The following AIRIM variants were observed in gnomAD, a reference collection of about 807,000 sequenced individuals.
The protein encoded by AIRIM is AFG2-interacting ribosome maturation factor.
At chr1:37,687,532 T>C in the AIRIM span, among the ~76,000 whole-genome samples, 1 of 151,392 alleles carries the variant, frequency 6.6e-6, no homozygotes, top group Non-Finnish European at 1.5e-5. Flanking sequence ...AGAGGACAGC[T>C]TGAAGCCAGG....
At chr1:37,690,404 C>T in the AIRIM span, 2 of 1,276,316 alleles carry the variant, frequency 1.6e-6, no homozygotes, top group African/African-American at 1.5e-5. Context: ...GACATACAGT[C>T]CTGTCTCCCC....
chr1:37,682,868 T>C, the AIRIM span: 1 of 496,458 alleles, frequency 2.0e-6, no homozygotes, highest in South Asian at 2.3e-5. Context: ...GTTGTCTCTC[T>C]AGCTCCATCC....
the AIRIM span, among the ~76,000 whole-genome samples, chr1:37,688,605 TA>T: frequency 6.6e-6 from 1 of 152,164 alleles, no homozygotes; most frequent in Admixed American, 6.5e-5. Flanking sequence ...ACAAGGTGCC[TA>T]ATGAACGTAT....
chr1:37,684,559 C>A, the AIRIM span, among the ~76,000 whole-genome samples: 1 of 152,164 alleles, frequency 6.6e-6, no homozygotes, highest in Non-Finnish European at 1.5e-5. Flanking sequence ...GTGGAGGTTG[C>A]AGTGAGCCAA....
chr1:37,685,941 A>T, the AIRIM span, among the ~76,000 whole-genome samples: 1 of 152,100 alleles, frequency 6.6e-6, no homozygotes, highest in African/African-American at 2.4e-5. Flanking sequence ...CTTTCTCATG[A>T]AGCCTGCTCT....
chr1:37,682,423 AG>A, the AIRIM span: 1 of 152,620 alleles, frequency 6.6e-6, no homozygotes, highest in Admixed American at 6.5e-5. Flanking sequence ...GTGGCAAGTC[AG>A]ATGCCAGCTT....
chr1:37,685,249 G>T, the AIRIM span, among the ~76,000 whole-genome samples: 1 of 149,740 alleles, frequency 6.7e-6, no homozygotes, highest in African/African-American at 2.5e-5. Context: ...TGTCACCTAG[G>T]CTGGTGATCA....
At chr1:37,689,659 C>T in the AIRIM span, 9 of 1,613,916 alleles carry the variant, frequency 5.6e-6, no homozygotes, top group South Asian at 8.8e-5. Context: ...GCTGCTTACG[C>T]CTCAGCCGCT....
At chr1:37,687,059 AGT>A in the AIRIM span, among the ~76,000 whole-genome samples, 18,630 of 140,414 alleles carry the variant, frequency 0.13, 1,283 homozygotes, top group African/African-American at 0.17. Context: ...CCGTCTCAAA[AGT>A]GTGTGTGTGT....
At chr1:37,690,055 C>T in the AIRIM span, 2 of 1,409,464 alleles carry the variant, frequency 1.4e-6, no homozygotes, top group Non-Finnish European at 1.8e-6. Flanking sequence ...GTCTCACTGT[C>T]GCCCAGGCTG....
the AIRIM span, chr1:37,690,603 T>A: frequency 1.7e-6 from 1 of 575,702 alleles, no homozygotes; most frequent in Non-Finnish European, 2.5e-6. Context: ...TATATCGTAG[T>A]GCCGCAATGA....
chr1:37,691,223 G>A, the AIRIM span: 1 of 152,282 alleles, frequency 6.6e-6, no homozygotes, highest in Non-Finnish European at 1.5e-5. Context: ...GGAAGGTCCA[G>A]GCTTGCCAGG....
the AIRIM span, chr1:37,684,209 GAAGGA>G: frequency 6.6e-6 from 1 of 152,448 alleles, no homozygotes; most frequent in Non-Finnish European, 1.5e-5. Flanking sequence ...CAGGGAAACA[GAAGGA>G]AAGGACTTGA....
At chr1:37,683,122 C>T in the AIRIM span, 26 of 1,612,846 alleles carry the variant, frequency 1.6e-5, no homozygotes, top group Non-Finnish European at 2.2e-5. Context: ...GCATAGCTTC[C>T]TTACTCTTCC....
chr1:37,686,171 G>A, the AIRIM span: 1 of 1,153,844 alleles, frequency 8.7e-7, no homozygotes. Context: ...AGGAACCAAA[G>A]AGAACTGACT....
chr1:37,685,382 CT>C, the AIRIM span, among the ~76,000 whole-genome samples: 1,708 of 137,966 alleles, frequency 0.012, 28 homozygotes, highest in African/African-American at 0.036. Flanking sequence ...GCCCAAAATT[CT>C]TTTTTTTTTT....
the AIRIM span, among the ~76,000 whole-genome samples, chr1:37,688,342 C>T: frequency 3.9e-4 from 60 of 152,230 alleles, no homozygotes; most frequent in Admixed American, 3.0e-3. Flanking sequence ...GCCACCGTGC[C>T]GGGCCAGTCA....
At chr1:37,683,505 G>A in the AIRIM span, 34 of 1,549,182 alleles carry the variant, frequency 2.2e-5, no homozygotes, top group Non-Finnish European at 2.9e-5. Context: ...ACACCCTGGT[G>A]AGAACCAGAG....
the AIRIM span, chr1:37,689,783 C>A: frequency 6.2e-7 from 1 of 1,613,176 alleles, no homozygotes. Flanking sequence ...CTGGCAGTCC[C>A]GCAGGGCACT....
Sources: gnomAD v4.1 joint callset for allele counts (sites outside exome capture counted in the v4.1 genomes callset) on GRCh38, gnomAD v4.1.1 for gene constraint, MANE v1.5 for transcripts, NCBI Gene and HGNC (gene_info 2026-07-23, HGNC 2026-07-21) for gene names.